The following ADGRG7 variants were observed in gnomAD, a reference collection of about 807,000 sequenced individuals.
ADGRG7 encodes G-protein coupled receptor 128.
A neutral mutation model predicts 88.6 loss-of-function variants in ADGRG7; 82 were observed. The observed-to-expected ratio is 0.93, with a 90% CI of 0.77 to 1.11. The LOEUF (loss-of-function observed/expected upper bound fraction) is 1.11, where lower values mean the gene tolerates loss of function less well. Among genes scored for constraint, ADGRG7 ranks in the 50% most tolerant of loss-of-function variants. ADGRG7 has a pLI of 0.00. For missense variants in ADGRG7, 945 were observed against 953.4 expected (o/e 0.99, Z 0.12); for synonymous variants, 381 against 345.2 (o/e 1.10, Z -1.15).
In ADGRG7 at chr3:100,695,357, A is replaced by G. The variant is rs536009834; in HGVS notation, c.*356A>G. The G allele has an allele frequency of 5.1e-6, 1 of 196,436 alleles. No homozygotes were observed. The highest frequency in any genetic ancestry group is 1.4e-4 in the East Asian group (1 of 7,136). 12.2% of individuals were successfully genotyped at this position (196,436 alleles called of 1,614,324 possible). The stretch of plus-strand genomic sequence containing the variant: ...CAAAGAGAAAACTTTACCTTCCAGA[A>G]CAAAATGACTCCTGATGAACAGTGT... On this transcript the variant is annotated 3_prime_UTR_variant, in exon 16 of 16. Coordinates refer to ENST00000273352, the MANE Select transcript of ADGRG7 (RefSeq NM_032787.3).
intron 1 of ADGRG7, among the ~76,000 whole-genome samples, chr3:100,623,990 A>T (rs1576313748): frequency 1.3e-5 from 2 of 152,094 alleles, no homozygotes; most frequent in African/African-American, 4.8e-5. Flanking sequence ...TTGCTATTGT[A>T]AATAGTGCTG....
chr3:100,635,604 A>G, intron 4 of ADGRG7, 73 bp from the exon 5 acceptor site: 2 of 1,552,922 alleles, frequency 1.3e-6, no homozygotes, highest in Non-Finnish European at 1.7e-6. Flanking sequence ...CAGCTTATTT[A>G]CCTGCAGTTG....
At chr3:100,675,849 G>A (rs1292570582) in intron 15 of ADGRG7, among the ~76,000 whole-genome samples, 2 of 152,002 alleles carry the variant, frequency 1.3e-5, no homozygotes, top group Non-Finnish European at 2.9e-5. Context: ...TTGTTTGTGT[G>A]TAGAAATTTG....
intron 1 of ADGRG7, among the ~76,000 whole-genome samples, chr3:100,618,328 T>G (rs1242354552): frequency 7.9e-5 from 12 of 152,198 alleles, no homozygotes; most frequent in Non-Finnish European, 1.8e-4. Context: ...TAGGTTTTCT[T>G]CTAGGGTTTT....
At chr3:100,624,139 A>G (rs1707350363) in intron 1 of ADGRG7, among the ~76,000 whole-genome samples, 1 of 152,146 alleles carries the variant, frequency 6.6e-6, no homozygotes, top group Non-Finnish European at 1.5e-5. Flanking sequence ...GGTTGAACTA[A>G]TTTACACTCC....
intron 8 of ADGRG7, among the ~76,000 whole-genome samples, chr3:100,644,222 A>G (rs1007600053): frequency 6.6e-5 from 10 of 152,098 alleles, no homozygotes; most frequent in Non-Finnish European, 1.2e-4. Context: ...AGACACACTT[A>G]CTTTTCATTT....
chr3:100,633,187 ATTAG>A (rs1707479522), intron 3 of ADGRG7, 74 bp from the exon 4 acceptor site: 1 of 614,516 alleles, frequency 1.6e-6, no homozygotes, highest in Non-Finnish European at 2.4e-6. Context: ...TTTAATAAAA[ATTAG>A]TTATTGCCTA....
intron 5 of ADGRG7, 98 bp from the exon 6 acceptor site, chr3:100,637,204 T>C (rs1707558916): frequency 1.3e-6 from 1 of 799,842 alleles, no homozygotes; most frequent in Non-Finnish European, 2.1e-6. Flanking sequence ...ATCATATCAG[T>C]GATGCCACTT....
intron 14 of ADGRG7, among the ~76,000 whole-genome samples, chr3:100,660,309 T>C (rs1676366): frequency 0.27 from 40,793 of 152,024 alleles, 6,033 homozygotes; most frequent in Non-Finnish European, 0.34. Context: ...TATTTTATTT[T>C]ATTATTATTT....
chr3:100,659,634 C>T (rs2094942446), intron 13 of ADGRG7, 54 bp from the exon 14 acceptor site: 3 of 1,520,456 alleles, frequency 2.0e-6, no homozygotes, highest in Non-Finnish European at 2.7e-6. Flanking sequence ...AGCACAAAGA[C>T]CAGTATGTAT....
rs1707737074 is a variant in ADGRG7, at chr3:100,645,969, T to C, written c.971T>C (p.Val324Ala). The part of the protein sequence containing the change: ...TKNYTKTCGF[V>A]VYQNDKLFQS... ...GATTACACCAAGACATGCGGCTTTG[T>C]AGTTTATCAAAATGACAAGCTTTTC... is the stretch of plus-strand genomic sequence containing the variant. Residue 324 changes from valine (V) to alanine (A), a missense_variant, in exon 9 of 16, where the codon GTA (valine) becomes GCA (alanine). By Grantham distance (64) the Val-to-Ala change is moderately conservative. Transcript: ENST00000273352. The C allele has an allele frequency of 6.2e-7, 1 of 1,614,022 alleles. No homozygotes were observed. The highest frequency in any genetic ancestry group is 8.5e-7 in the Non-Finnish European group (1 of 1,179,984).
intron 11 of ADGRG7, chr3:100,654,277 A>G (rs1353809344): frequency 6.6e-6 from 1 of 152,282 alleles, no homozygotes; most frequent in Non-Finnish European, 1.5e-5. Flanking sequence ...TTCATTCATT[A>G]ATGAAAGATT....
Position 100,655,983 on chromosome 3 carries a change from G to C in ADGRG7, c.1811G>C (p.Arg604Pro). Residue 604 changes from arginine to proline, a missense_variant, in exon 13 of 16, where the codon CGG (arginine) becomes CCG (proline). Coordinates refer to ENST00000273352, the MANE Select transcript of ADGRG7 (RefSeq NM_032787.3). ...AATCCACAGTGGGAATTAGACTACCGGCAAGAGAAAATGTGAGTTTATATT... is the reference window on the plus strand; with the variant it reads ...AATCCACAGTGGGAATTAGACTACCCGCAAGAGAAAATGTGAGTTTATATT... Reference protein sequence around the residue: ...GNNPQWELDYRQEKICWLAIP... With the variant: ...GNNPQWELDYPQEKICWLAIP... 1 of 1,600,524 alleles carries C rather than the reference G, an allele frequency of 6.2e-7. No individual in the cohort carries two copies. The highest frequency in any genetic ancestry group is 8.6e-7 in the Non-Finnish European group (1 of 1,168,164).
chr3:100,681,337 G>T (rs866356142), intron 15 of ADGRG7, among the ~76,000 whole-genome samples: 2 of 149,362 alleles, frequency 1.3e-5, no homozygotes, highest in Admixed American at 6.7e-5. Flanking sequence ...TTGAGACAGG[G>T]TCTCACTCTG....
intron 10 of ADGRG7, among the ~76,000 whole-genome samples, chr3:100,648,384 T>C (rs558414306): frequency 1.3e-5 from 2 of 152,318 alleles, no homozygotes; most frequent in African/African-American, 4.8e-5. Context: ...AATCTTACGA[T>C]CCTTTTTGCA....
At chr3:100,653,275 A>G (rs2094932295) in intron 11 of ADGRG7, among the ~76,000 whole-genome samples, 1 of 152,264 alleles carries the variant, frequency 6.6e-6, no homozygotes, top group African/African-American at 2.4e-5. Context: ...TGTAAGCTTC[A>G]TTCTTTAAAC....
chr3:100,609,799 A>G lies in ADGRG7; in HGVS notation c.-58A>G. 7.6e-7 allele frequency: 1 copy of G among 1,318,196 alleles called. No homozygotes were observed. Among genetic ancestry groups the G allele is most frequent in the African/African-American group, 1.5e-5 (1 of 68,920 alleles). 81.7% of individuals were successfully genotyped at this position (1,318,196 alleles called of 1,614,324 possible). A position where few individuals can be genotyped will look rare whatever the true frequency, so the allele number is the denominator to read the frequency against. ...GTTTCCGATTAAACTTTTTAGCTCA[A>G]GAAGAAAAGAAGCTAGTTATTTCTC... On this transcript the variant is annotated 5_prime_UTR_variant, in exon 1 of 16. Coordinates refer to ENST00000273352, the MANE Select transcript of ADGRG7 (RefSeq NM_032787.3).
intron 15 of ADGRG7, among the ~76,000 whole-genome samples, chr3:100,673,542 A>G (rs2094961332): frequency 1.3e-5 from 2 of 151,266 alleles, no homozygotes; most frequent in South Asian, 4.2e-4. Flanking sequence ...GCTCACTGCA[A>G]CCTCTGCCTC....
In ADGRG7 at chr3:100,629,601, A is replaced by G; in HGVS notation, c.119A>G (p.Lys40Arg). 1 of 1,608,714 alleles carries G rather than the reference A, an allele frequency of 6.2e-7. No individual in the cohort carries two copies. Reference protein sequence around the residue: ...WRIVIRIQRGKSTSSSSTPTE... With the variant: ...WRIVIRIQRGRSTSSSSTPTE... ...CTGTTATTTATTGTTTCTTTAGGAA[A>G]ATCTACTTCCTCATCAAGCACCCCT... The change falls in exon 2 of 16, where the codon AAA becomes AGA. Residue 40 changes from lysine (K) to arginine (R), a missense_variant. Physicochemically the swap from Lys to Arg is conservative, Grantham distance 26 (BLOSUM62 2). Coordinates refer to ENST00000273352, the MANE Select transcript of ADGRG7 (RefSeq NM_032787.3).
Sources: allele counts gnomAD v4.1 joint callset (sites outside exome capture counted in the v4.1 genomes callset), GRCh38; gene constraint gnomAD v4.1.1; transcripts MANE v1.5; gene names NCBI Gene and HGNC (gene_info 2026-07-23, HGNC 2026-07-21).